Variants in ARHGEF3 observed in about 807,000 individuals in gnomAD.
The protein encoded by ARHGEF3 is Rho guanine nucleotide exchange factor 3.
Under a neutral mutation model 63.2 loss-of-function variants are expected in ARHGEF3, and 28 were observed. The observed-to-expected ratio is 0.44, with a 90% CI of 0.33 to 0.61. The LOEUF is 0.61. Among genes scored for constraint, ARHGEF3 ranks in the 20% least tolerant of loss-of-function variants. ARHGEF3 has a pLI of 0.03. For missense variants in ARHGEF3, 533 were observed against 659.3 expected, an observed-to-expected ratio of 0.81 and a Z score of 2.10; for synonymous variants, 266 against 254.2, an observed-to-expected ratio of 1.05 and a Z score of -0.44.
chr3:56,904,641 T>C (rs770166409), intron 3 of ARHGEF3, among the ~76,000 whole-genome samples: 2 of 152,232 alleles, frequency 1.3e-5, no homozygotes, highest in African/African-American at 4.8e-5. Context: ...GCTGGATTCA[T>C]ACATCTGCTC....
chr3:56,955,367 G>A (rs1033213826), intron 3 of ARHGEF3, among the ~76,000 whole-genome samples: 8 of 151,388 alleles, frequency 5.3e-5, no homozygotes, highest in African/African-American at 1.9e-4. Context: ...AGCTAATTTT[G>A]GGGTTTGTTT....
At chr3:57,072,405 A>G (rs561014203) in intron 1 of ARHGEF3, among the ~76,000 whole-genome samples, 16 of 151,998 alleles carry the variant, frequency 1.1e-4, no homozygotes, top group Admixed American at 8.5e-4. Context: ...AAATGGGAAA[A>G]CATTAGTTGT....
In ARHGEF3 at chr3:56,755,075, G is replaced by C; in HGVS notation, c.281C>G (p.Ser94Trp). 1.2e-6 allele frequency: 2 copies of C among 1,614,124 alleles called. No homozygotes were observed. Among genetic ancestry groups the C allele is most frequent in the East Asian group, 2.2e-5 (1 of 44,880 alleles). ...PRPWSRNAAPSSTKRRDSKLW... is the reference protein window; with the variant it reads ...PRPWSRNAAPWSTKRRDSKLW... ...CTTGCTATCTCTCCGTTTCGTGCTC[G>C]AGGGGGCGGCATTTCTGGACCAGGG... is the stretch of plus-strand genomic sequence containing the variant. Residue 94 changes from serine to tryptophan, a missense_variant, in exon 3 of 10, where the codon TCG (serine) becomes TGG (tryptophan). By Grantham distance (177) the Ser-to-Trp change is radical. Transcript: ENST00000296315.
chr3:57,014,088 G>A (rs1432936017), intron 2 of ARHGEF3, among the ~76,000 whole-genome samples: 2 of 151,818 alleles, frequency 1.3e-5, no homozygotes, highest in Non-Finnish European at 2.9e-5. Flanking sequence ...CCACGAACCC[G>A]CCAGGAGGAA....
At chr3:56,902,883 G>A (rs913799738) in intron 3 of ARHGEF3, among the ~76,000 whole-genome samples, 2 of 152,154 alleles carry the variant, frequency 1.3e-5, no homozygotes, top group East Asian at 3.9e-4. Flanking sequence ...GCAACAGAGA[G>A]GCCTGTTTTC....
intron 4 of ARHGEF3, among the ~76,000 whole-genome samples, chr3:56,874,127 A>G (rs1315840423): frequency 6.6e-6 from 1 of 152,220 alleles, no homozygotes; most frequent in Non-Finnish European, 1.5e-5. Flanking sequence ...AGCACAAGTA[A>G]ATTTGCCATC....
intron 4 of ARHGEF3, among the ~76,000 whole-genome samples, chr3:56,857,961 T>C (rs2039942023): frequency 6.6e-6 from 1 of 152,042 alleles, no homozygotes; most frequent in Admixed American, 6.6e-5. Context: ...ATTTTGAAAG[T>C]TTCTTGGTTT....
intron 3 of ARHGEF3, among the ~76,000 whole-genome samples, chr3:56,924,113 G>A (rs2042219294): frequency 6.6e-6 from 1 of 152,198 alleles, no homozygotes; most frequent in African/African-American, 2.4e-5. Flanking sequence ...GCAATTATAA[G>A]CATTGACAAT....
chr3:56,991,974 AT>A (rs1165403575), intron 2 of ARHGEF3, among the ~76,000 whole-genome samples: 1 of 149,036 alleles, frequency 6.7e-6, no homozygotes, highest in East Asian at 2.0e-4. Flanking sequence ...TTTCCATAAT[AT>A]TTTTCCATAA....
intron 1 of ARHGEF3, among the ~76,000 whole-genome samples, chr3:56,791,916 C>T (rs2037095716): frequency 6.6e-6 from 1 of 150,800 alleles, no homozygotes; most frequent in South Asian, 2.1e-4. Flanking sequence ...TCAGCTAATG[C>T]AAGGCTCAAA....
At chr3:56,760,544 G>A (rs753325464) in intron 2 of ARHGEF3, among the ~76,000 whole-genome samples, 5 of 152,096 alleles carry the variant, frequency 3.3e-5, no homozygotes, top group African/African-American at 4.8e-5. Context: ...TCTTTTATGC[G>A]CTTTGCCTAC....
intron 1 of ARHGEF3, among the ~76,000 whole-genome samples, chr3:57,063,918 G>A (rs1253216447): frequency 2.0e-5 from 3 of 152,238 alleles, no homozygotes; most frequent in Admixed American, 6.5e-5. Flanking sequence ...CAGATGAATG[G>A]TAGAACAAAA....
At chr3:56,773,840 A>G in intron 1 of ARHGEF3, 24 bp from the exon 2 acceptor site, 2 of 1,478,798 alleles carry the variant, frequency 1.4e-6, no homozygotes, top group Non-Finnish European at 1.8e-6. Context: ...AAAAAAAAAA[A>G]GTAAAATGTC....
chr3:57,033,792 C>A (rs1034407158), intron 2 of ARHGEF3, among the ~76,000 whole-genome samples: 1 of 151,972 alleles, frequency 6.6e-6, no homozygotes, highest in Non-Finnish European at 1.5e-5. Context: ...TGCCTGTAAT[C>A]CCAGCACTTT....
intron 3 of ARHGEF3, among the ~76,000 whole-genome samples, chr3:56,933,394 C>CT (rs869041385): frequency 0.071 from 9,394 of 132,820 alleles, 835 homozygotes; most frequent in African/African-American, 0.22. Flanking sequence ...TGTTTCTTTT[C>CT]TTTTTTTTTT....
chr3:56,941,571 T>C (rs577897466), intron 3 of ARHGEF3, among the ~76,000 whole-genome samples: 3 of 152,304 alleles, frequency 2.0e-5, no homozygotes, highest in East Asian at 1.9e-4. Context: ...AATATAAGCC[T>C]CCTGTTGCTT....
At chr3:56,829,005 C>T (rs934514946) in intron 4 of ARHGEF3, among the ~76,000 whole-genome samples, 2 of 152,132 alleles carry the variant, frequency 1.3e-5, no homozygotes, top group Non-Finnish European at 2.9e-5. Flanking sequence ...TGGCTCACTG[C>T]GATCTCTGTC....
At chr3:56,755,297 T>G in intron 2 of ARHGEF3, 146 bp from the exon 3 acceptor site, 2 of 913,906 alleles carry the variant, frequency 2.2e-6, no homozygotes, top group African/African-American at 3.3e-5. Context: ...AAGTGGGGCA[T>G]TGTCTTGAGC....
At chr3:56,756,296 C>T (rs1034038014) in intron 2 of ARHGEF3, among the ~76,000 whole-genome samples, 6 of 152,118 alleles carry the variant, frequency 3.9e-5, no homozygotes, top group African/African-American at 1.4e-4. Context: ...GGAAGTGTTC[C>T]CTGCCATGGC....
Sources: allele counts gnomAD v4.1 joint callset (sites outside exome capture counted in the v4.1 genomes callset), GRCh38; gene constraint gnomAD v4.1.1; transcripts MANE v1.5; gene names NCBI Gene and HGNC (gene_info 2026-07-23, HGNC 2026-07-21).